Variants in CDC14B observed in about 807,000 individuals in gnomAD.
The protein encoded by CDC14B is cell division cycle 14B.
In CDC14B, 22 loss-of-function variants were observed where a neutral mutation model predicts 64.2. That is an observed-to-expected ratio of 0.34 (90% CI 0.24 to 0.49). CDC14B has a LOEUF of 0.49. Among genes scored for constraint, CDC14B ranks in the 20% least tolerant of loss-of-function variants. The pLI is 0.99. For missense variants in CDC14B, 498 were observed against 629.9 expected, an observed-to-expected ratio of 0.79 and a Z score of 2.24; for synonymous variants, 191 against 215.8, an observed-to-expected ratio of 0.89 and a Z score of 1.01.
At chr9:96,566,990 C>T (rs1409348992) in intron 1 of CDC14B, 1 of 1,435,174 alleles carries the variant, frequency 7.0e-7, no homozygotes, top group Non-Finnish European at 9.1e-7. Context: ...AGCGCAACCC[C>T]GGAAGTCCCC....
intron 1 of CDC14B, among the ~76,000 whole-genome samples, chr9:96,585,291 C>T (rs1018558164): frequency 2.0e-5 from 3 of 151,668 alleles, no homozygotes; most frequent in African/African-American, 7.3e-5. Context: ...TTGCTGCACC[C>T]ATCAACCCGT....
At chr9:96,543,662 T>C (rs1363370471) in intron 5 of CDC14B, among the ~76,000 whole-genome samples, 1 of 152,106 alleles carries the variant, frequency 6.6e-6, no homozygotes, top group Non-Finnish European at 1.5e-5. Context: ...CTACCCTGCT[T>C]CTCCTTTTTG....
intron 5 of CDC14B, among the ~76,000 whole-genome samples, chr9:96,544,277 C>T (rs1840494607): frequency 6.6e-6 from 1 of 152,018 alleles, no homozygotes. Context: ...ATAAGTTATA[C>T]ATTAACTTAA....
At chr9:96,537,147 T>C (rs1839387600) in intron 7 of CDC14B, among the ~76,000 whole-genome samples, 1 of 152,060 alleles carries the variant, frequency 6.6e-6, no homozygotes, top group South Asian at 2.1e-4. Flanking sequence ...CAAAATTAGC[T>C]GGGCATGGTG....
intron 4 of CDC14B, among the ~76,000 whole-genome samples, chr9:96,556,150 T>TA (rs1262150995): frequency 6.6e-6 from 1 of 152,150 alleles, no homozygotes; most frequent in Admixed American, 6.5e-5. Context: ...ACCCAAACGT[T>TA]ACACAAGTCA....
At chr9:96,593,119 A>G (rs1019340000) in intron 1 of CDC14B, among the ~76,000 whole-genome samples, 6 of 152,208 alleles carry the variant, frequency 3.9e-5, no homozygotes, top group African/African-American at 9.6e-5. Context: ...GAAAAAGTTT[A>G]ACATGTAATG....
At chr9:96,521,069 G>C (rs948372672) in intron 12 of CDC14B, among the ~76,000 whole-genome samples, 1 of 151,668 alleles carries the variant, frequency 6.6e-6, no homozygotes, top group Non-Finnish European at 1.5e-5. Flanking sequence ...CACTATTTTT[G>C]TTTGTTTGTT....
At chr9:96,560,386 G>T (rs1017453579) in intron 4 of CDC14B, among the ~76,000 whole-genome samples, 1 of 152,094 alleles carries the variant, frequency 6.6e-6, no homozygotes, top group South Asian at 2.1e-4. Flanking sequence ...TTTCTCCAGG[G>T]TTCCCTTTAA....
At chr9:96,573,046 T>C (rs753809392) in intron 1 of CDC14B, among the ~76,000 whole-genome samples, 4 of 152,226 alleles carry the variant, frequency 2.6e-5, no homozygotes, top group Non-Finnish European at 5.9e-5. Flanking sequence ...TGGTGGCTTA[T>C]GCCTGTAATC....
At chr9:96,512,401 G>A (rs55956441) in intron 12 of CDC14B, among the ~76,000 whole-genome samples, 1 of 149,382 alleles carries the variant, frequency 6.7e-6, no homozygotes, top group African/African-American at 2.5e-5. Flanking sequence ...AATCATAGCA[G>A]CCTCAAATCC....
intron 1 of CDC14B, among the ~76,000 whole-genome samples, chr9:96,574,551 C>A (rs1254420554): frequency 6.6e-6 from 1 of 150,790 alleles, no homozygotes; most frequent in Non-Finnish European, 1.5e-5. Flanking sequence ...CTTTTTTACT[C>A]AAAACAAAAA....
chr9:96,548,250 T>C (rs1471169246), intron 5 of CDC14B, among the ~76,000 whole-genome samples: 1 of 151,588 alleles, frequency 6.6e-6, no homozygotes, highest in African/African-American at 2.4e-5. Context: ...TTAACAAATA[T>C]ACAATACTAC....
chr9:96,522,448 C>G (rs1348281775), intron 12 of CDC14B, 58 bp downstream of exon 12: 1 of 1,125,066 alleles, frequency 8.9e-7, no homozygotes, highest in East Asian at 2.3e-5. Flanking sequence ...AAACCCTCAC[C>G]AAGGACCCCA....
chr9:96,570,687 GCATTACCC>G (rs1333615789), intron 1 of CDC14B, among the ~76,000 whole-genome samples: 1 of 152,212 alleles, frequency 6.6e-6, no homozygotes, highest in African/African-American at 2.4e-5. Flanking sequence ...AGCGGCAGCA[GCATTACCC>G]ACTCAAATGA....
intron 1 of CDC14B, among the ~76,000 whole-genome samples, chr9:96,613,669 G>A (rs1847454004): frequency 6.6e-6 from 1 of 152,158 alleles, no homozygotes. Context: ...GTAAGTAAAG[G>A]AGAACCAAGA....
At chr9:96,604,915 C>A (rs1483461639) in intron 1 of CDC14B, among the ~76,000 whole-genome samples, 5 of 152,120 alleles carry the variant, frequency 3.3e-5, no homozygotes, top group Non-Finnish European at 2.9e-5. Flanking sequence ...GGTGATCTAC[C>A]CGCCTCTGCC....
At position 96,523,290 on chromosome 9, in the gene CDC14B, C is replaced by T. The variant is rs1426402454; in HGVS notation, c.1216G>A (p.Glu406Lys). 7.4e-6 allele frequency: 12 copies of T among 1,614,066 alleles called. No individual in the cohort carries two copies. The highest frequency in any genetic ancestry group is 2.7e-5 in the African/African-American group (2 of 75,018). ...GVDDISINGV[E>K]NQDQQEPEPY... Reference sequence around the variant, plus strand: ...TCGGGTTCTTGCTGATCTTGATTCTCGACCCCATTTATGGAAATGTCATCA... The same window carrying T: ...TCGGGTTCTTGCTGATCTTGATTCTTGACCCCATTTATGGAAATGTCATCA... Residue 406 changes from glutamate (E) to lysine (K), a missense_variant, in exon 11 of 14, where the codon GAG becomes AAG. Transcript: ENST00000375241.
At position 96,523,317 on chromosome 9, in the gene CDC14B, C is replaced by T. The variant is rs199907418; in HGVS notation, c.1189G>A (p.Val397Ile). The change falls in exon 11 of 14, where the codon GTT becomes ATT. Residue 397 changes from valine to isoleucine, a missense_variant. Val to Ile is a conservative substitution (Grantham distance 29). Coordinates refer to ENST00000375241, the MANE Select transcript of CDC14B (RefSeq NM_033331.4). ...RAAFSKLLSG[V>I]DDISINGVEN... ...ACCCCATTTATGGAAATGTCATCAA[C>T]GCCAGAGAGAAGTTTGGAGAAGGCT... 34 of 1,614,138 alleles carry T rather than the reference C, an allele frequency of 2.1e-5. No individual in the cohort carries two copies. The highest frequency in any genetic ancestry group is 1.7e-4 in the Middle Eastern group (1 of 6,060).
intron 1 of CDC14B, among the ~76,000 whole-genome samples, chr9:96,574,639 G>A (rs920737012): frequency 1.4e-5 from 2 of 144,110 alleles, no homozygotes; most frequent in Non-Finnish European, 1.5e-5. Context: ...AATTAGCTGG[G>A]AGCCGAGATT....
Sources: gnomAD v4.1 joint callset for allele counts (sites outside exome capture counted in the v4.1 genomes callset) on GRCh38, gnomAD v4.1.1 for gene constraint, MANE v1.5 for transcripts, NCBI Gene and HGNC (gene_info 2026-07-23, HGNC 2026-07-21) for gene names.